Variants in DLG2 observed in about 807,000 individuals in gnomAD.
DLG2 encodes the protein discs large MAGUK scaffold protein 2.
In DLG2, 45 loss-of-function variants were observed where a neutral mutation model predicts 132.5. The observed-to-expected ratio is 0.34, with a 90% CI of 0.27 to 0.44. DLG2 has a LOEUF of 0.44. Ranked by LOEUF, DLG2 falls within the 20% of genes least tolerant of loss-of-function variation. The pLI is 1.00. For missense variants in DLG2, 1,045 were observed against 1,196.9 expected (o/e 0.87, Z 1.87); for synonymous variants, 424 against 419.6 (o/e 1.01, Z -0.13).
At chr11:84,074,622 G>A (rs368958077) in intron 10 of DLG2, among the ~76,000 whole-genome samples, 9 of 149,796 alleles carry the variant, frequency 6.0e-5, no homozygotes, top group East Asian at 3.9e-4. Flanking sequence ...TCCGCCTCCC[G>A]GGTTCACGCC....
intron 10 of DLG2, among the ~76,000 whole-genome samples, chr11:84,093,561 A>G (rs1437335515): frequency 6.6e-6 from 1 of 152,186 alleles, no homozygotes; most frequent in East Asian, 1.9e-4. Flanking sequence ...ATCTCATCAT[A>G]GTCACAGGTT....
At chr11:84,587,321 G>A (rs2099532119) in intron 6 of DLG2, among the ~76,000 whole-genome samples, 1 of 152,012 alleles carries the variant, frequency 6.6e-6, no homozygotes, top group African/African-American at 2.4e-5. Context: ...GTATTTTGTG[G>A]GAGAACTTCT....
chr11:85,536,992 A>T (rs184612858), intron 3 of DLG2, among the ~76,000 whole-genome samples: 2 of 152,276 alleles, frequency 1.3e-5, no homozygotes, highest in Admixed American at 6.5e-5. Flanking sequence ...TAGCCAAAGG[A>T]TTGTAAATGC....
chr11:84,800,009 C>T (rs1304938182), intron 6 of DLG2, among the ~76,000 whole-genome samples: 3 of 152,102 alleles, frequency 2.0e-5, no homozygotes, highest in Non-Finnish European at 1.5e-5. Flanking sequence ...ATAAATGGGG[C>T]ATCAATAAAA....
At chr11:84,929,290 C>G (rs902601489) in intron 6 of DLG2, among the ~76,000 whole-genome samples, 2 of 151,626 alleles carry the variant, frequency 1.3e-5, no homozygotes, top group Admixed American at 6.6e-5. Context: ...TTGATTAACT[C>G]TTTCACACAA....
chr11:85,459,803 C>T (rs1024418154), intron 3 of DLG2, among the ~76,000 whole-genome samples: 2 of 152,148 alleles, frequency 1.3e-5, no homozygotes, highest in Non-Finnish European at 2.9e-5. Flanking sequence ...CCACCTGCAA[C>T]TGAAATGTTC....
At chr11:84,866,902 G>C (rs1385692436) in intron 6 of DLG2, among the ~76,000 whole-genome samples, 2 of 152,144 alleles carry the variant, frequency 1.3e-5, no homozygotes, top group Non-Finnish European at 2.9e-5. Flanking sequence ...TTTTCTCTGT[G>C]TTATATCTGT....
chr11:83,980,999 A>C (rs1386688949), intron 11 of DLG2, among the ~76,000 whole-genome samples: 1 of 152,182 alleles, frequency 6.6e-6, no homozygotes, highest in Non-Finnish European at 1.5e-5. Context: ...AGACAAGTAT[A>C]GTCCTGCTCA....
At chr11:85,403,689 G>A (rs1251915673) in intron 3 of DLG2, among the ~76,000 whole-genome samples, 1 of 151,786 alleles carries the variant, frequency 6.6e-6, no homozygotes, top group Non-Finnish European at 1.5e-5. Flanking sequence ...GAAGGAGAGA[G>A]TGGAAACCAA....
chr11:85,293,873 G>C (rs769406620), intron 3 of DLG2, among the ~76,000 whole-genome samples: 1 of 152,122 alleles, frequency 6.6e-6, no homozygotes. Context: ...AAATGTGTAA[G>C]TATTTAGTGA....
intron 6 of DLG2, among the ~76,000 whole-genome samples, chr11:84,784,868 A>G (rs1183148980): frequency 6.6e-6 from 1 of 152,148 alleles, no homozygotes; most frequent in Non-Finnish European, 1.5e-5. Context: ...AGTAAATTTC[A>G]ACAGATCTCT....
chr11:84,726,532 G>C (rs1427028384), intron 6 of DLG2, among the ~76,000 whole-genome samples: 2 of 152,278 alleles, frequency 1.3e-5, no homozygotes, highest in Middle Eastern at 3.4e-3. Context: ...ATTTGGGTTG[G>C]TTCCAAGTCT....
intron 6 of DLG2, among the ~76,000 whole-genome samples, chr11:84,938,062 GGCTTTTTAAC>G (rs2048963311): frequency 1.3e-5 from 2 of 152,110 alleles, no homozygotes; most frequent in Non-Finnish European, 2.9e-5. Context: ...AATACTGTGT[GGCTTTTTAAC>G]AGTTCTGTGA....
In DLG2 at chr11:85,602,536, C is replaced by T. The variant is rs372038935; in HGVS notation, c.-92-3748G>A. ...AGCCTCCCAGGCTCAAGTGATCCTC[C>T]CAAATCATTTTTTGAATTCTGATTT... On this transcript the variant is annotated intron_variant, in intron 2 of 27. Coordinates refer to ENST00000376104, the MANE Select transcript of DLG2 (RefSeq NM_001142699.3). Among the ~76,000 whole-genome samples the T allele has an allele frequency of 1.3e-3, 201 of 152,234 alleles. 1 individual carries two copies. The highest frequency in any genetic ancestry group is 4.8e-3 in the African/African-American group (199 of 41,536).
In DLG2 at chr11:83,592,059, C is replaced by T. The variant is rs1433647806; in HGVS notation, c.1940+41152G>A. 5.4e-5 allele frequency among the ~76,000 whole-genome samples: 8 copies of T among 149,400 alleles called. No individual in the cohort carries two copies. In the East Asian group the frequency reaches 1.6e-3, roughly 30 times the overall value. ...GAAGAATCAATATCGTGAAAATGGCCATACTGCCCAAGGTAATTTACAGAT... is the reference window on the plus strand; with the variant it reads ...GAAGAATCAATATCGTGAAAATGGCTATACTGCCCAAGGTAATTTACAGAT... On this transcript the variant is annotated intron_variant, in intron 19 of 27. Transcript: ENST00000376104.
chr11:84,875,882 T>C (rs2086266357), intron 6 of DLG2, among the ~76,000 whole-genome samples: 1 of 152,138 alleles, frequency 6.6e-6, no homozygotes, highest in Admixed American at 6.5e-5. Context: ...GGATTACAGG[T>C]GTCCGCCACC....
chr11:83,825,171 ATTTTTTTTTTT>A (rs10566177), intron 17 of DLG2, among the ~76,000 whole-genome samples: 1,850 of 72,560 alleles, frequency 0.025, 69 homozygotes, highest in African/African-American at 0.08. Context: ...ATATATATAT[ATTTTTTTTTTT>A]TTTTTTTTTT....
At position 83,729,120 on chromosome 11, in the gene DLG2, TGTAAA is replaced by T. The variant is rs376711483; in HGVS notation, c.1825+57565_1825+57569del. Among the ~76,000 whole-genome samples the T allele has an allele frequency of 1.1e-3, 164 of 152,310 alleles. 1 individual carries two copies. The highest frequency in any genetic ancestry group is 3.9e-3 in the African/African-American group (162 of 41,566). ...CACCCAGGAAAGACATGTGTAAGTC[TGTAAA>T]GTATATATTTCTTATTTATCAACTG... On this transcript the variant is annotated intron_variant, in intron 18 of 27. Transcript: ENST00000376104.
At chr11:84,900,199 A>T (rs2090718606) in intron 6 of DLG2, among the ~76,000 whole-genome samples, 1 of 152,118 alleles carries the variant, frequency 6.6e-6, no homozygotes, top group South Asian at 2.1e-4. Context: ...CTTTCTGGTA[A>T]GCAACACCTT....
Sources: allele counts gnomAD v4.1 joint callset (sites outside exome capture counted in the v4.1 genomes callset), GRCh38; gene constraint gnomAD v4.1.1; transcripts MANE v1.5; gene names NCBI Gene and HGNC (gene_info 2026-07-23, HGNC 2026-07-21).